CSMD1: variants seen among roughly 807,000 people sequenced by gnomAD.
CSMD1 encodes the protein CUB and Sushi multiple domains 1, also known as CUB and sushi domain-containing protein 1.
A neutral mutation model predicts 417.5 loss-of-function variants in CSMD1; 213 were observed. The observed-to-expected ratio is 0.51, with a 90% confidence interval of 0.46 to 0.57. The LOEUF is 0.57. CSMD1 is among the 20% of genes least tolerant of loss of function. CSMD1 has a pLI of 0.00. For synonymous variants in CSMD1, 2,862 were observed against 1,736.8 expected (o/e 1.65, Z -16.11); for missense variants, 6,923 against 4,529.7 (o/e 1.53, Z -15.17).
At chr8:3,684,445 T>C (rs1799834875) in intron 7 of CSMD1, among the ~76,000 whole-genome samples, 1 of 150,620 alleles carries the variant, frequency 6.6e-6, no homozygotes, top group Non-Finnish European at 1.5e-5. Context: ...TCATAGTACT[T>C]AACAATTTTA....
chr8:4,851,142 T>G (rs1391307280), intron 1 of CSMD1, among the ~76,000 whole-genome samples: 2 of 131,468 alleles, frequency 1.5e-5, no homozygotes, highest in African/African-American at 2.8e-5. Context: ...ATATTCCCCT[T>G]CCTGTGTCCA....
chr8:3,187,809 T>G, intron 36 of CSMD1, 60 bp downstream of exon 36: 7 of 1,237,228 alleles, frequency 5.7e-6, no homozygotes, highest in Admixed American at 5.4e-5. Flanking sequence ...TTATTTATGT[T>G]GTTTTCTTGG....
chr8:3,766,580 T>C (rs905661864), intron 5 of CSMD1, among the ~76,000 whole-genome samples: 1 of 151,964 alleles, frequency 6.6e-6, no homozygotes, highest in Admixed American at 6.6e-5. Context: ...ATATTTTGAC[T>C]ATCAAAAAAG....
chr8:4,252,026 T>C (rs1035998611), intron 3 of CSMD1, among the ~76,000 whole-genome samples: 1 of 152,124 alleles, frequency 6.6e-6, no homozygotes, highest in Admixed American at 6.5e-5. Flanking sequence ...TTTTGAGTTG[T>C]GTTTACTTGA....
At chr8:4,876,120 A>T (rs1261409540) in intron 1 of CSMD1, among the ~76,000 whole-genome samples, 1 of 152,086 alleles carries the variant, frequency 6.6e-6, no homozygotes, top group Non-Finnish European at 1.5e-5. Context: ...GCTTGGTTTG[A>T]ACAATGGTAA....
At chr8:4,188,213 G>A (rs1256474261) in intron 3 of CSMD1, among the ~76,000 whole-genome samples, 1 of 152,088 alleles carries the variant, frequency 6.6e-6, no homozygotes, top group South Asian at 2.1e-4. Flanking sequence ...AATTTTACAT[G>A]ATGTAAAATT....
At chr8:4,926,248 T>G (rs189875142) in intron 1 of CSMD1, among the ~76,000 whole-genome samples, 1 of 152,186 alleles carries the variant, frequency 6.6e-6, no homozygotes, top group Non-Finnish European at 1.5e-5. Context: ...GTGGACACAA[T>G]GAATAAATGG....
rs144204876 is a variant in CSMD1, at chr8:4,462,287, T to A, written c.303-42222A>T. On this transcript the variant is annotated intron_variant, in intron 2 of 69. Coordinates refer to ENST00000635120, the MANE Select transcript of CSMD1 (RefSeq NM_033225.6). The stretch of plus-strand genomic sequence containing the variant: ...AACTCCAAAATAATTAGGAATAAAT[T>A]TAACAAAATAAGTACAAAATATATA... 1.7e-4 allele frequency among the ~76,000 whole-genome samples: 26 copies of A among 152,182 alleles called. No individual in the cohort carries two copies. The South Asian group carries it at 5.2e-3, about 30-fold the overall frequency.
intron 1 of CSMD1, among the ~76,000 whole-genome samples, chr8:4,906,246 C>G (rs7826671): frequency 0.25 from 37,870 of 152,152 alleles, 5,392 homozygotes; most frequent in East Asian, 0.52. Flanking sequence ...GAAGATGACA[C>G]TTCCTGAACT....
At chr8:3,411,502 C>A (rs192314195) in intron 12 of CSMD1, among the ~76,000 whole-genome samples, 5 of 151,826 alleles carry the variant, frequency 3.3e-5, no homozygotes, top group Admixed American at 3.3e-4. Context: ...GCCTTTGCAT[C>A]CTCATAGCTT....
At chr8:4,628,489 C>G (rs570440943) in intron 2 of CSMD1, among the ~76,000 whole-genome samples, 1 of 147,620 alleles carries the variant, frequency 6.8e-6, no homozygotes, top group Non-Finnish European at 1.5e-5. Context: ...CACACAGTAT[C>G]AGTATATACA....
intron 7 of CSMD1, among the ~76,000 whole-genome samples, chr8:3,671,542 TATGATC>T (rs1309833489): frequency 7.9e-4 from 5 of 6,298 alleles, no homozygotes; most frequent in Admixed American, 3.4e-3. Context: ...TATATATATA[TATGATC>T]ATATATATGA....
intron 1 of CSMD1, among the ~76,000 whole-genome samples, chr8:4,809,741 G>C (rs975119626): frequency 6.6e-6 from 1 of 152,200 alleles, no homozygotes; most frequent in Non-Finnish European, 1.5e-5. Flanking sequence ...CATGTAATAA[G>C]TGAAAATTGA....
chr8:3,132,474 G>C (rs1295620182), intron 41 of CSMD1, among the ~76,000 whole-genome samples: 1 of 152,082 alleles, frequency 6.6e-6, no homozygotes, highest in Admixed American at 6.6e-5. Flanking sequence ...ACTGATCTAT[G>C]AAAGTAAGCT....
At chr8:4,153,871 T>C (rs1189147890) in intron 3 of CSMD1, among the ~76,000 whole-genome samples, 1 of 152,218 alleles carries the variant, frequency 6.6e-6, no homozygotes, top group Non-Finnish European at 1.5e-5. Context: ...CTTTCCTGAC[T>C]CATGGCAGCA....
At chr8:3,573,354 G>C (rs1411474042) in intron 10 of CSMD1, among the ~76,000 whole-genome samples, 1 of 152,130 alleles carries the variant, frequency 6.6e-6, no homozygotes, top group Non-Finnish European at 1.5e-5. Context: ...ACAAACCATT[G>C]AGTAGCATAT....
intron 25 of CSMD1, among the ~76,000 whole-genome samples, chr8:3,306,514 G>A (rs542944819): frequency 2.0e-5 from 3 of 152,138 alleles, no homozygotes; most frequent in Admixed American, 2.0e-4. Flanking sequence ...TGTAGGAGGA[G>A]CTGAAGCAGC....
intron 3 of CSMD1, among the ~76,000 whole-genome samples, chr8:4,144,296 G>A (rs915344587): frequency 3.3e-5 from 5 of 150,846 alleles, no homozygotes; most frequent in Non-Finnish European, 7.4e-5. Context: ...ACTTAAACAG[G>A]ATACCCCACT....
chr8:4,492,141 C>G (rs1154091), intron 2 of CSMD1, among the ~76,000 whole-genome samples: 143,818 of 152,310 alleles, frequency 0.94, 67,980 homozygotes, highest in East Asian at 1. Context: ...CTATTGTCCA[C>G]GCTAGAGCAC....
Sources: gnomAD v4.1 joint callset for allele counts (sites outside exome capture counted in the v4.1 genomes callset) on GRCh38, gnomAD v4.1.1 for gene constraint, MANE v1.5 for transcripts, NCBI Gene and HGNC (gene_info 2026-07-23, HGNC 2026-07-21) for gene names.